TRANK1: variants seen among roughly 807,000 people sequenced by gnomAD.
The protein encoded by TRANK1 is tetratricopeptide repeat and ankyrin repeat containing 1.
Under a neutral mutation model 266.0 loss-of-function variants are expected in TRANK1, and 198 were observed. The ratio of observed to expected loss-of-function variants is 0.74; its 90% confidence interval spans 0.66 to 0.84. The LOEUF (loss-of-function observed/expected upper bound fraction) is 0.84, where lower values mean the gene tolerates loss of function less well. TRANK1 is among the 40% of genes least tolerant of loss of function. TRANK1 has a pLI of 0.00. For missense variants in TRANK1, 3,326 were observed against 3,634.6 expected (o/e 0.92, Z 2.18); for synonymous variants, 1,396 against 1,384.1 (o/e 1.01, Z -0.19).
intron 9 of TRANK1, among the ~76,000 whole-genome samples, chr3:36,867,107 A>G (rs1197867687): frequency 3.9e-5 from 6 of 152,108 alleles, no homozygotes; most frequent in Admixed American, 3.3e-4. Flanking sequence ...TAGTAAAGCA[A>G]TATCTGGCTA....
At chr3:36,861,306 A>G (rs966611449) in intron 10 of TRANK1, 146 bp from the exon 11 acceptor site, 52 of 993,628 alleles carry the variant, frequency 5.2e-5, no homozygotes, top group Non-Finnish European at 6.8e-5. Context: ...TTAACCACTC[A>G]TGAACATCAG....
Position 36,856,122 on chromosome 3 carries a change from C to T in TRANK1, c.3600G>A (p.Val1200=). Reference sequence around the variant, plus strand: ...AATTCCTTTGTACCTCCTGGCACAGCACATGGTTCTTGGTCACAAAGATCT... The same window carrying T: ...AATTCCTTTGTACCTCCTGGCACAGTACATGGTTCTTGGTCACAAAGATCT... The part of the protein sequence containing the change: ...LHQIFVTKNH[V]LCQEVQRNFI... Residue 1200 remains valine, a synonymous_variant, in exon 13 of 24, where the codon GTG becomes GTA. Coordinates refer to ENST00000645898, the MANE Select transcript of TRANK1 (RefSeq NM_001329998.2). 1.9e-6 allele frequency: 3 copies of T among 1,613,896 alleles called. No homozygotes were observed. Among genetic ancestry groups the T allele is most frequent in the Non-Finnish European group, 2.5e-6 (3 of 1,179,882 alleles).
intron 1 of TRANK1, among the ~76,000 whole-genome samples, chr3:36,917,105 C>T (rs193186506): frequency 1.1e-4 from 16 of 152,172 alleles, no homozygotes; most frequent in African/African-American, 3.4e-4. Context: ...TGTGAGCCAC[C>T]GTGCCCGGCC....
intron 21 of TRANK1, among the ~76,000 whole-genome samples, chr3:36,834,169 G>T (rs1373576870): frequency 1.3e-5 from 2 of 152,184 alleles, no homozygotes; most frequent in African/African-American, 4.8e-5. Flanking sequence ...GAAATATAGT[G>T]GAGGTGTAAC....
intron 22 of TRANK1, 39 bp downstream of exon 22, chr3:36,830,833 GT>G: frequency 6.5e-7 from 1 of 1,535,682 alleles, no homozygotes; most frequent in South Asian, 1.3e-5. Context: ...CAGAGCCCAG[GT>G]CTCACTCTGC....
At chr3:36,884,848 G>A (rs1296673910) in intron 8 of TRANK1, among the ~76,000 whole-genome samples, 1 of 151,520 alleles carries the variant, frequency 6.6e-6, no homozygotes, top group East Asian at 1.9e-4. Context: ...CAGGAGAATC[G>A]CTTGAACCCG....
In TRANK1 at chr3:36,856,098, A is replaced by G; in HGVS notation, c.3624T>C (p.Asn1208=). The G allele has an allele frequency of 6.2e-7, 1 of 1,613,748 alleles. No homozygotes were observed. Among genetic ancestry groups the G allele is most frequent in the Non-Finnish European group, 8.5e-7 (1 of 1,179,860 alleles). The stretch of plus-strand genomic sequence containing the variant: ...TGGTGGACTTGGAAAGCTCAATGAA[A>G]TTCCTTTGTACCTCCTGGCACAGCA... The part of the protein sequence containing the change: ...NHVLCQEVQR[N]FIELSKSTKA... The change falls in exon 13 of 24, where the codon AAT becomes AAC. Residue 1208 remains asparagine, a synonymous_variant. Coordinates refer to ENST00000645898, the MANE Select transcript of TRANK1 (RefSeq NM_001329998.2).
chr3:36,870,962 T>TAAAAAAAAAAAAAAA (rs563787088), intron 9 of TRANK1, among the ~76,000 whole-genome samples: 14 of 65,094 alleles, frequency 2.2e-4, no homozygotes, highest in Admixed American at 9.4e-4. Flanking sequence ...ACAAGGAAAC[T>TAAAAAAAAAAAAAAA]AAAAAAAAAA....
At chr3:36,858,221 C>A (rs1477620910) in intron 12 of TRANK1, among the ~76,000 whole-genome samples, 172 bp from the exon 13 acceptor site, 4 of 152,156 alleles carry the variant, frequency 2.6e-5, no homozygotes, top group Non-Finnish European at 5.9e-5. Flanking sequence ...GTGATTTACT[C>A]CCCAAGGGAC....
At chr3:36,878,549 G>GGGCT (rs1186693774) in intron 8 of TRANK1, among the ~76,000 whole-genome samples, 2 of 152,076 alleles carry the variant, frequency 1.3e-5, no homozygotes, top group Non-Finnish European at 2.9e-5. Context: ...CTGTAAGTGA[G>GGGCT]GGCTACACAG....
At chr3:36,834,632 G>A (rs1160941452) in intron 21 of TRANK1, 130 bp downstream of exon 21, 11 of 1,049,814 alleles carry the variant, frequency 1.0e-5, no homozygotes, top group African/African-American at 9.7e-5. Flanking sequence ...TGAGGCCATC[G>A]CTTAAGTGGA....
In TRANK1 at chr3:36,879,032, T is replaced by G. The variant is rs947624514; in HGVS notation, c.908-4736A>C. On this transcript the variant is annotated intron_variant, in intron 8 of 23. Coordinates refer to ENST00000645898, the MANE Select transcript of TRANK1 (RefSeq NM_001329998.2). Reference sequence around the variant, plus strand: ...ATTAATTAGAATCATTTATTTCACTTGATACACATGGCTTCAGGAAAATTT... The same window carrying G: ...ATTAATTAGAATCATTTATTTCACTGGATACACATGGCTTCAGGAAAATTT... Among the ~76,000 whole-genome samples the G allele has an allele frequency of 5.9e-5, 9 of 152,230 alleles. No individual in the cohort carries two copies. The South Asian group carries it at 6.2e-4, about 11-fold the overall frequency.
Position 36,829,621 on chromosome 3 carries a change from A to G in TRANK1, c.8752T>C (p.Ser2918Pro). 2 of 1,613,952 alleles carry G rather than the reference A, an allele frequency of 1.2e-6. No individual in the cohort carries two copies. Among genetic ancestry groups the G allele is most frequent in the Non-Finnish European group, 1.7e-6 (2 of 1,179,876 alleles). Residue 2918 changes from serine to proline, a missense_variant, in exon 23 of 24, where the codon TCA (serine) becomes CCA (proline). By Grantham distance (74) the Ser-to-Pro change is moderately conservative. Coordinates refer to ENST00000645898, the MANE Select transcript of TRANK1 (RefSeq NM_001329998.2). ...AACCAGTCTCGTGCATCCCTGACTG[A>G]CAGGATCAGAATGTTGACCAGCCGA... ...MTRLVNILIL[S>P]VRDARDWLMK...
intron 15 of TRANK1, 27 bp from the exon 16 acceptor site, chr3:36,847,373 CA>C (rs748309878): frequency 6.2e-7 from 1 of 1,611,286 alleles, no homozygotes; most frequent in Non-Finnish European, 8.5e-7. Flanking sequence ...AAGTGAAGAC[CA>C]ACAGAATATG....
Position 36,855,868 on chromosome 3 carries a change from A to C in TRANK1, c.3854T>G (p.Ile1285Ser), listed in dbSNP as rs2079044866. 5 of 1,613,516 alleles carry C rather than the reference A, an allele frequency of 3.1e-6. No individual in the cohort carries two copies. Among genetic ancestry groups the C allele is most frequent in the Non-Finnish European group, 3.4e-6 (4 of 1,179,812 alleles). Reference protein sequence around the residue: ...IGWSAQEESTIPSWQEDEEEA... With the variant: ...IGWSAQEESTSPSWQEDEEEA... ...CTCTTCATCCTCTTGCCAACTAGGA[A>C]TGGTTGACTCTTCCTGTGCAGACCA... is the stretch of plus-strand genomic sequence containing the variant. Residue 1285 changes from isoleucine to serine, a missense_variant, in exon 13 of 24, where the codon ATT becomes AGT. By Grantham distance (142) the Ile-to-Ser change is moderately radical. Transcript: ENST00000645898.
Position 36,833,510 on chromosome 3 carries a change from G to T in TRANK1, c.6073C>A (p.Gln2025Lys), listed in dbSNP as rs369864528. ...EALDICYQTG[Q>K]LSGIAEAHFL... ...TGGGCCTCCGCAATGCCAGACAACT[G>T]GCCAGTTTGATAGCAGATATCAAGT... The change falls in exon 22 of 24, where the codon CAG becomes AAG. Residue 2025 changes from glutamine to lysine, a missense_variant. Transcript: ENST00000645898. The T allele has an allele frequency of 1.5e-5, 24 of 1,613,748 alleles. No individual in the cohort carries two copies. The highest frequency in any genetic ancestry group is 2.2e-5 in the East Asian group (1 of 44,896).
chr3:36,942,482 CAAAAAAAAAAA>C (rs565174922), intron 1 of TRANK1, among the ~76,000 whole-genome samples: 31 of 79,950 alleles, frequency 3.9e-4, no homozygotes, highest in African/African-American at 1.3e-3. Flanking sequence ...TCTTCTTCCT[CAAAAAAAAAAA>C]AAAAAAAAAA....
intron 1 of TRANK1, among the ~76,000 whole-genome samples, chr3:36,922,203 C>T (rs973243395): frequency 1.3e-5 from 2 of 152,090 alleles, no homozygotes; most frequent in Non-Finnish European, 2.9e-5. Flanking sequence ...AGCTCTGTGA[C>T]AGTTACTATT....
rs888142688 is a variant in TRANK1 at position 36,831,348 on chromosome 3, C to T, written c.8235G>A (p.Glu2745=). 23 of 1,613,410 alleles carry T rather than the reference C, an allele frequency of 1.4e-5. No individual in the cohort carries two copies. The highest frequency in any genetic ancestry group is 1.9e-5 in the Non-Finnish European group (23 of 1,179,734). Residue 2745 remains glutamate (E), a synonymous_variant, in exon 22 of 24, where the codon GAG becomes GAA. Coordinates refer to ENST00000645898, the MANE Select transcript of TRANK1 (RefSeq NM_001329998.2). This position sits in a 1 kb window ranked among gnomAD's most constrained non-coding sequence, Gnocchi z 5.0. ...SWRRRVGTQM[E]RVREEAREPR... ...GCTCCCTGGCCTCCTCCCTGACACGCTCCATCTGGGTGCCCACTCTTCTCC... is the reference window on the plus strand; with the variant it reads ...GCTCCCTGGCCTCCTCCCTGACACGTTCCATCTGGGTGCCCACTCTTCTCC...
Sources: allele counts gnomAD v4.1 joint callset (sites outside exome capture counted in the v4.1 genomes callset), GRCh38; gene constraint gnomAD v4.1.1; non-coding constraint Gnocchi (gnomAD v3.1); transcripts MANE v1.5; gene names NCBI Gene and HGNC (gene_info 2026-07-23, HGNC 2026-07-21).